Variants in EIF2B3 observed in about 807,000 individuals in gnomAD.
The protein encoded by EIF2B3 is translation initiation factor eIF2B subunit gamma.
A neutral mutation model predicts 54.1 loss-of-function variants in EIF2B3; 20 were observed. The ratio of observed to expected loss-of-function variants is 0.37; its 90% CI spans 0.26 to 0.54. EIF2B3 has a LOEUF of 0.54. EIF2B3 is among the 20% of genes least tolerant of loss of function. EIF2B3 has a pLI of 0.86. For missense variants in EIF2B3, 448 were observed against 547.8 expected (o/e 0.82, Z 1.82); for synonymous variants, 153 against 188.1 (o/e 0.81, Z 1.52).
At chr1:44,983,551 T>C (rs1286351643) in intron 1 of EIF2B3, among the ~76,000 whole-genome samples, 1 of 152,168 alleles carries the variant, frequency 6.6e-6, no homozygotes, top group Non-Finnish European at 1.5e-5. Flanking sequence ...TCAAATGTTA[T>C]TATGAAAAGA....
At chr1:44,965,977 G>A (rs1644334487) in intron 3 of EIF2B3, among the ~76,000 whole-genome samples, 1 of 152,166 alleles carries the variant, frequency 6.6e-6, no homozygotes, top group South Asian at 2.1e-4. Flanking sequence ...CTCCTAGACT[G>A]TAAAGCGTAG....
chr1:44,882,928 C>CTTTTTTTT (rs1003449669), intron 6 of EIF2B3, among the ~76,000 whole-genome samples: 107 of 114,450 alleles, frequency 9.3e-4, no homozygotes, highest in South Asian at 1.4e-3. Context: ...TTTTCTTTTT[C>CTTTTTTTT]TTTTTTTTTT....
At chr1:44,939,658 T>A (rs1643998874) in intron 4 of EIF2B3, among the ~76,000 whole-genome samples, 1 of 152,112 alleles carries the variant, frequency 6.6e-6, no homozygotes, top group Non-Finnish European at 1.5e-5. Flanking sequence ...TTGTTAAATT[T>A]ACAATAAAAG....
chr1:44,932,782 G>A (rs1453103003), intron 4 of EIF2B3, among the ~76,000 whole-genome samples: 1 of 152,120 alleles, frequency 6.6e-6, no homozygotes, highest in African/African-American at 2.4e-5. Flanking sequence ...AAAATTTTGA[G>A]GGGATATGAT....
At chr1:44,955,335 CCTTT>C (rs1252405438) in intron 3 of EIF2B3, among the ~76,000 whole-genome samples, 3 of 152,136 alleles carry the variant, frequency 2.0e-5, no homozygotes, top group African/African-American at 7.2e-5. Context: ...AAACTGGACC[CCTTT>C]CTTATACCTT....
intron 3 of EIF2B3, among the ~76,000 whole-genome samples, chr1:44,942,418 T>TACACACATATATATATACATA (rs1553177413): frequency 2.5e-4 from 2 of 8,102 alleles, no homozygotes; most frequent in Non-Finnish European, 4.2e-4. Context: ...TATATATATA[T>TACACACATATATATATACATA]TTTTTTTTTT....
intron 3 of EIF2B3, among the ~76,000 whole-genome samples, chr1:44,942,713 C>T (rs1644049452): frequency 6.6e-6 from 1 of 151,406 alleles, no homozygotes; most frequent in Admixed American, 6.6e-5. Flanking sequence ...TAGGCATGAG[C>T]TACCATGCCT....
intron 10 of EIF2B3, chr1:44,874,432 C>T: frequency 2.0e-6 from 1 of 508,084 alleles, no homozygotes; most frequent in Non-Finnish European, 3.5e-6. Flanking sequence ...TTCTTTTTGC[C>T]CTTTTTCTGA....
At chr1:44,961,286 C>G (rs147850215) in intron 3 of EIF2B3, among the ~76,000 whole-genome samples, 3 of 138,780 alleles carry the variant, frequency 2.2e-5, no homozygotes, top group African/African-American at 8.1e-5. Context: ...CACTGCACTC[C>G]AACCTGGGCA....
intron 3 of EIF2B3, among the ~76,000 whole-genome samples, chr1:44,955,436 A>T (rs566818516): frequency 6.6e-6 from 1 of 152,226 alleles, no homozygotes; most frequent in Non-Finnish European, 1.5e-5. Context: ...AGGCAATACC[A>T]TTCAGGAGAT....
intron 11 of EIF2B3, among the ~76,000 whole-genome samples, chr1:44,856,952 G>A (rs1009011693): frequency 6.6e-6 from 1 of 152,064 alleles, no homozygotes; most frequent in African/African-American, 2.4e-5. Context: ...CAACACGTGT[G>A]TGCCACTGTG....
intron 1 of EIF2B3, among the ~76,000 whole-genome samples, chr1:44,986,138 CT>C (rs66786376): frequency 0.16 from 22,128 of 141,982 alleles, 1,730 homozygotes; most frequent in Non-Finnish European, 0.17. Context: ...CTTTTCTTTT[CT>C]TTTTTTTTTT....
chr1:44,866,468 G>A (rs1318507188), intron 10 of EIF2B3, among the ~76,000 whole-genome samples: 1 of 151,954 alleles, frequency 6.6e-6, no homozygotes, highest in Non-Finnish European at 1.5e-5. Context: ...GAAAGATGCA[G>A]TAAGTGCCAC....
At chr1:44,912,789 C>G (rs1008954279) in intron 5 of EIF2B3, among the ~76,000 whole-genome samples, 1 of 152,108 alleles carries the variant, frequency 6.6e-6, no homozygotes, top group African/African-American at 2.4e-5. Flanking sequence ...TAACCTTTTC[C>G]ATGCATAATT....
At chr1:44,864,724 G>T (rs1654715151) in intron 10 of EIF2B3, among the ~76,000 whole-genome samples, 2 of 152,264 alleles carry the variant, frequency 1.3e-5, no homozygotes, top group Non-Finnish European at 1.5e-5. Context: ...GGGTTCATGG[G>T]TGACACAGGT....
intron 8 of EIF2B3, among the ~76,000 whole-genome samples, chr1:44,877,717 G>A (rs1655241806): frequency 2.0e-5 from 3 of 152,140 alleles, no homozygotes; most frequent in African/African-American, 4.8e-5. Flanking sequence ...GGTATGGGGG[G>A]CTTTGGCTAC....
chr1:44,919,147 A>G (rs12410088), intron 5 of EIF2B3, among the ~76,000 whole-genome samples: 22,564 of 152,010 alleles, frequency 0.15, 1,778 homozygotes, highest in Non-Finnish European at 0.17. Flanking sequence ...CAGGAGTTCG[A>G]AACCAGCCTG....
intron 1 of EIF2B3, among the ~76,000 whole-genome samples, chr1:44,983,730 G>T (rs1342325167): frequency 6.7e-5 from 10 of 149,312 alleles, no homozygotes. Flanking sequence ...TTTTTTTTTT[G>T]AAACAGAGTT....
At chr1:44,947,503 G>A (rs1569812524) in intron 3 of EIF2B3, among the ~76,000 whole-genome samples, 1 of 152,292 alleles carries the variant, frequency 6.6e-6, no homozygotes, top group African/African-American at 2.4e-5. Flanking sequence ...GTGTGTGGCT[G>A]TAGTGGTGGG....
Sources: gnomAD v4.1 joint callset for allele counts (sites outside exome capture counted in the v4.1 genomes callset) on GRCh38, gnomAD v4.1.1 for gene constraint, MANE v1.5 for transcripts, NCBI Gene and HGNC (gene_info 2026-07-23, HGNC 2026-07-21) for gene names.